The following CENPP variants were observed in gnomAD, a reference collection of about 807,000 sequenced individuals.
CENPP encodes centromere protein P.
In CENPP, 24 loss-of-function variants were observed where a neutral mutation model predicts 35.6. The observed-to-expected ratio is 0.67, with a 90% CI of 0.49 to 0.95. The LOEUF is 0.95. Among genes scored for constraint, CENPP ranks in the 40% least tolerant of loss-of-function variants. The probability of loss-of-function intolerance (pLI) is 0.00; values close to 1 mark genes in which losing one functional copy is unlikely to be tolerated. For synonymous variants in CENPP, 120 were observed against 125.5 expected (o/e 0.96, Z 0.29); for missense variants, 332 against 345.3 (o/e 0.96, Z 0.31).
intron 5 of CENPP, among the ~76,000 whole-genome samples, chr9:92,512,568 C>T (rs180724764): frequency 1.6e-3 from 246 of 152,354 alleles, no homozygotes; most frequent in African/African-American, 5.7e-3. Flanking sequence ...TCACTCACCT[C>T]CTCTGAGCCT....
intron 5 of CENPP, chr9:92,465,032 G>A (rs1845253184): frequency 6.3e-7 from 1 of 1,591,564 alleles, no homozygotes; most frequent in Non-Finnish European, 8.6e-7. Context: ...ACTCATTTCT[G>A]TCAGGGGAGA....
intron 5 of CENPP, among the ~76,000 whole-genome samples, chr9:92,560,823 T>A (rs1205033973): frequency 1.3e-5 from 2 of 151,884 alleles, no homozygotes; most frequent in African/African-American, 4.8e-5. Context: ...GTCTCAAAAG[T>A]CGCAGTGGCT....
At chr9:92,519,176 G>A (rs955203204) in intron 5 of CENPP, among the ~76,000 whole-genome samples, 1 of 151,960 alleles carries the variant, frequency 6.6e-6, no homozygotes, top group Non-Finnish European at 1.5e-5. Flanking sequence ...TCTCTCATTC[G>A]AATACTTGCA....
chr9:92,367,190 A>G (rs1347130682), intron 4 of CENPP, among the ~76,000 whole-genome samples: 1 of 152,048 alleles, frequency 6.6e-6, no homozygotes, highest in African/African-American at 2.4e-5. Context: ...TTTTTGAGAC[A>G]GAGTCTCACT....
chr9:92,440,383 A>AATCAATCAATC (rs2044226011), intron 5 of CENPP, among the ~76,000 whole-genome samples: 1 of 151,772 alleles, frequency 6.6e-6, no homozygotes, highest in Non-Finnish European at 1.5e-5. Context: ...ATAAATAAAT[A>AATCAATCAATC]AATCACAAGA....
chr9:92,607,975 T>G (rs1851128212), intron 5 of CENPP, among the ~76,000 whole-genome samples: 1 of 152,184 alleles, frequency 6.6e-6, no homozygotes, highest in African/African-American at 2.4e-5. Context: ...AACACCCACT[T>G]GAATCACTGC....
chr9:92,353,225 A>C (rs1336535854), intron 4 of CENPP, among the ~76,000 whole-genome samples: 1 of 152,228 alleles, frequency 6.6e-6, no homozygotes, highest in East Asian at 1.9e-4. Flanking sequence ...AGAAGGAAGT[A>C]CTCATGACAA....
At position 92,593,482 on chromosome 9, in the gene CENPP, C is replaced by G. The variant is rs1192140872; in HGVS notation, c.565-17832C>G. Among the ~76,000 whole-genome samples, 1 of 152,186 alleles carries G rather than the reference C, an allele frequency of 6.6e-6. No individual in the cohort carries two copies. The highest frequency in any genetic ancestry group is 2.4e-5 in the African/African-American group (1 of 41,438). ...TTTTCTTTCCTTCTGCCCTCATTTC[C>G]CCTAATTCAAGAGCTATTCTATGTT... On this transcript the variant is annotated intron_variant, in intron 5 of 7. Transcript: ENST00000375587. This position sits in a 1 kb window ranked among gnomAD's most constrained non-coding sequence, Gnocchi z 4.1.
intron 5 of CENPP, among the ~76,000 whole-genome samples, chr9:92,405,543 G>C (rs1843281966): frequency 6.6e-6 from 1 of 152,098 alleles, no homozygotes. Flanking sequence ...TTGTGATATT[G>C]TCTGGCTTGA....
At chr9:92,369,663 A>G (rs911388098) in intron 4 of CENPP, among the ~76,000 whole-genome samples, 1 of 152,184 alleles carries the variant, frequency 6.6e-6, no homozygotes, top group Non-Finnish European at 1.5e-5. Flanking sequence ...TAAAAACACT[A>G]CTGATTTTTG....
intron 5 of CENPP, among the ~76,000 whole-genome samples, chr9:92,557,489 C>T (rs1849752454): frequency 6.6e-6 from 1 of 152,170 alleles, no homozygotes; most frequent in Non-Finnish European, 1.5e-5. Flanking sequence ...AACATAATCC[C>T]AGACTTCTTG....
chr9:92,459,796 G>T, intron 5 of CENPP: 1 of 1,609,030 alleles, frequency 6.2e-7, no homozygotes, highest in Non-Finnish European at 8.5e-7. Flanking sequence ...AATGCATCAA[G>T]TCTTACACAG....
chr9:92,404,407 G>T, intron 5 of CENPP: 1 of 804,934 alleles, frequency 1.2e-6, no homozygotes, highest in Non-Finnish European at 1.7e-6. Flanking sequence ...TTAAACCAGA[G>T]ATGGCCTTTA....
intron 5 of CENPP, among the ~76,000 whole-genome samples, chr9:92,540,983 T>C (rs1425635855): frequency 6.6e-6 from 1 of 151,946 alleles, no homozygotes; most frequent in Non-Finnish European, 1.5e-5. Context: ...ATGTATTGGC[T>C]GGGGGCAGTG....
chr9:92,429,279 C>G lies in CENPP; in HGVS notation c.564+49420C>G, dbSNP rs541030294. 3.9e-5 allele frequency among the ~76,000 whole-genome samples: 6 copies of G among 152,292 alleles called. No homozygotes were observed. In the East Asian group the frequency reaches 1.2e-3, roughly 29 times the overall value. On this transcript the variant is annotated intron_variant, in intron 5 of 7. Transcript: ENST00000375587. ...ACCAATTCAGGGGAATAATCTTACT[C>G]TCACCTCCCAGACCTTACCTGGTGA... is the stretch of plus-strand genomic sequence containing the variant.
chr9:92,414,521 A>T (rs1843530482), intron 5 of CENPP: 1 of 209,700 alleles, frequency 4.8e-6, no homozygotes, highest in African/African-American at 2.3e-5. Flanking sequence ...TGAGGCAAAA[A>T]GATTAGTTAA....
chr9:92,511,867 A>G (rs2131194162), intron 5 of CENPP: 1 of 562,936 alleles, frequency 1.8e-6, no homozygotes, highest in Non-Finnish European at 3.1e-6. Context: ...CTTGAATTCA[A>G]ATTAGGGACA....
At chr9:92,485,740 A>G (rs569184574) in intron 5 of CENPP, among the ~76,000 whole-genome samples, 2 of 152,274 alleles carry the variant, frequency 1.3e-5, no homozygotes, top group African/African-American at 4.8e-5. Flanking sequence ...GCAGTGGTAC[A>G]ATCATACCTC....
At chr9:92,353,584 A>T (rs1431346626) in intron 4 of CENPP, among the ~76,000 whole-genome samples, 1 of 152,178 alleles carries the variant, frequency 6.6e-6, no homozygotes, top group African/African-American at 2.4e-5. Flanking sequence ...CCCAGCCAAC[A>T]CTGTAACTCC....
Sources: allele counts gnomAD v4.1 joint callset (sites outside exome capture counted in the v4.1 genomes callset), GRCh38; gene constraint gnomAD v4.1.1; non-coding constraint Gnocchi (gnomAD v3.1); transcripts MANE v1.5; gene names NCBI Gene and HGNC (gene_info 2026-07-23, HGNC 2026-07-21).